CAST: variants seen among roughly 807,000 people sequenced by gnomAD.
The protein encoded by CAST is MIR583 host.
CAST carries 76 observed loss-of-function variants against 119.6 expected under a neutral mutation model. The observed-to-expected ratio is 0.64, with a 90% CI of 0.53 to 0.77. The LOEUF is 0.77. Ranked by LOEUF, CAST falls within the 30% of genes least tolerant of loss-of-function variation. The pLI, the probability that CAST is intolerant of heterozygous loss-of-function variation, is 0.00. For missense variants in CAST, 953 were observed against 946.5 expected (o/e 1.01, Z -0.09); for synonymous variants, 319 against 331.6 (o/e 0.96, Z 0.41).
At chr5:96,078,416 G>A in the CAST span, among the ~76,000 whole-genome samples, 5 of 150,900 alleles carry the variant, frequency 3.3e-5, no homozygotes, top group Admixed American at 6.6e-5. Flanking sequence ...TTTTTTAGAC[G>A]GAGTTTTGCT....
chr5:95,988,872 A>T, the CAST span, among the ~76,000 whole-genome samples: 3 of 152,228 alleles, frequency 2.0e-5, no homozygotes, highest in Non-Finnish European at 2.9e-5. Context: ...CAGCAAACAG[A>T]TGATATGACA....
At chr5:96,605,975 G>A (rs1747244684) in intron 1 of CAST, among the ~76,000 whole-genome samples, 1 of 152,170 alleles carries the variant, frequency 6.6e-6, no homozygotes, top group Non-Finnish European at 1.5e-5. Context: ...AGACAAAGCT[G>A]CTACTGGCGG....
the CAST span, among the ~76,000 whole-genome samples, chr5:96,428,104 ATTCCCATTCCC>A: frequency 6.6e-6 from 1 of 152,198 alleles, no homozygotes; most frequent in African/African-American, 2.4e-5. Flanking sequence ...GACCCAGGCC[ATTCCCATTCCC>A]TACCCTCATA....
chr5:96,737,380 T>C (rs1441706139), intron 10 of CAST, among the ~76,000 whole-genome samples: 1 of 152,190 alleles, frequency 6.6e-6, no homozygotes, highest in Non-Finnish European at 1.5e-5. Context: ...TAGATTCTAT[T>C]TGGAATAGGT....
chr5:96,568,081 A>G (rs1746505181), intron 1 of CAST, among the ~76,000 whole-genome samples: 1 of 152,120 alleles, frequency 6.6e-6, no homozygotes, highest in African/African-American at 2.4e-5. Flanking sequence ...TGACTGAACA[A>G]AGGCTGAAAA....
chr5:96,735,815 A>T (rs1171894737), intron 9 of CAST, among the ~76,000 whole-genome samples: 1 of 152,250 alleles, frequency 6.6e-6, no homozygotes, highest in Non-Finnish European at 1.5e-5. Flanking sequence ...GAGCAAAGCC[A>T]GAAGTGGCAG....
chr5:95,982,054 C>A, the CAST span, among the ~76,000 whole-genome samples: 9 of 150,640 alleles, frequency 6.0e-5, no homozygotes, highest in African/African-American at 2.2e-4. Context: ...CATTACAGTT[C>A]GATTACATAT....
At chr5:96,536,566 A>AT (rs1745818915) in intron 1 of CAST, among the ~76,000 whole-genome samples, 1 of 152,192 alleles carries the variant, frequency 6.6e-6, no homozygotes, top group South Asian at 2.1e-4. Flanking sequence ...AGGAGAGGTA[A>AT]TTATAGAAGT....
chr5:96,310,999 A>G, the CAST span, among the ~76,000 whole-genome samples: 4 of 150,514 alleles, frequency 2.7e-5, no homozygotes, highest in African/African-American at 7.3e-5. Context: ...TTCTTTTTCT[A>G]TTTCCTTGGG....
chr5:96,118,851 T>A, the CAST span, among the ~76,000 whole-genome samples: 1 of 151,996 alleles, frequency 6.6e-6, no homozygotes, highest in Non-Finnish European at 1.5e-5. Flanking sequence ...GTTACTTCAT[T>A]GCTTAAGTGA....
the CAST span, among the ~76,000 whole-genome samples, chr5:96,342,773 A>G: frequency 1.3e-5 from 2 of 152,076 alleles, no homozygotes; most frequent in East Asian, 3.9e-4. Context: ...ACATTTGCAC[A>G]TCTCTGAAAA....
At chr5:96,016,386 C>A in the CAST span, among the ~76,000 whole-genome samples, 2 of 152,176 alleles carry the variant, frequency 1.3e-5, no homozygotes, top group Non-Finnish European at 2.9e-5. Context: ...TGTGCACATG[C>A]CACTGAATCA....
the CAST span, among the ~76,000 whole-genome samples, chr5:96,049,552 G>A: frequency 6.6e-6 from 1 of 152,168 alleles, no homozygotes; most frequent in African/African-American, 2.4e-5. Context: ...GGCAGGGTGA[G>A]GGAGTTGCCT....
At chr5:96,463,970 T>C in the CAST span, among the ~76,000 whole-genome samples, 8 of 152,016 alleles carry the variant, frequency 5.3e-5, no homozygotes, top group African/African-American at 1.9e-4. Flanking sequence ...AAGTAGAAGA[T>C]GGAGAAGAAA....
At chr5:96,327,140 T>C in the CAST span, among the ~76,000 whole-genome samples, 1 of 152,360 alleles carries the variant, frequency 6.6e-6, no homozygotes, top group African/African-American at 2.4e-5. Flanking sequence ...TATTTGACTT[T>C]CCTGAGTTTC....
chr5:96,469,878 TA>T, the CAST span, among the ~76,000 whole-genome samples: 1 of 91,340 alleles, frequency 1.1e-5, no homozygotes, highest in East Asian at 3.5e-4. Context: ...TATATATATA[TA>T]ATATATATAT....
chr5:96,016,835 T>G, the CAST span, among the ~76,000 whole-genome samples: 2 of 141,784 alleles, frequency 1.4e-5, no homozygotes, highest in African/African-American at 5.3e-5. Flanking sequence ...CTGGGTTTTT[T>G]TTTTTTTTTT....
At chr5:96,644,951 G>A (rs1747997228) in intron 1 of CAST, among the ~76,000 whole-genome samples, 2 of 152,198 alleles carry the variant, frequency 1.3e-5, no homozygotes, top group Admixed American at 1.3e-4. Flanking sequence ...ACTCCAGCCT[G>A]GGTGACAGAG....
At chr5:96,176,318 T>A in the CAST span, among the ~76,000 whole-genome samples, 1 of 152,242 alleles carries the variant, frequency 6.6e-6, no homozygotes, top group Non-Finnish European at 1.5e-5. Context: ...TGATTACAGA[T>A]AAGCTTTGCT....
Sources: gnomAD v4.1 joint callset for allele counts (sites outside exome capture counted in the v4.1 genomes callset) on GRCh38, gnomAD v4.1.1 for gene constraint, MANE v1.5 for transcripts, NCBI Gene and HGNC (gene_info 2026-07-23, HGNC 2026-07-21) for gene names.